Variants in NKAIN2 observed in about 807,000 individuals in gnomAD.
The protein encoded by NKAIN2 is sodium/potassium-transporting ATPase subunit beta-1-interacting protein 2.
A neutral mutation model predicts 32.6 loss-of-function variants in NKAIN2; 14 were observed. The ratio of observed to expected loss-of-function variants is 0.43; its 90% confidence interval spans 0.28 to 0.67. The LOEUF is 0.67. Among genes scored for constraint, NKAIN2 ranks in the 30% least tolerant of loss-of-function variants. The pLI, the probability that NKAIN2 is intolerant of heterozygous loss-of-function variation, is 0.17. For missense variants in NKAIN2, 198 were observed against 258.3 expected, an observed-to-expected ratio of 0.77 and a Z score of 1.60; for synonymous variants, 80 against 87.2, an observed-to-expected ratio of 0.92 and a Z score of 0.46.
intron 4 of NKAIN2, among the ~76,000 whole-genome samples, chr6:124,671,454 A>G (rs889911751): frequency 5.3e-5 from 8 of 152,104 alleles, no homozygotes; most frequent in Non-Finnish European, 1.2e-4. Flanking sequence ...CATGATGCCA[A>G]TGACATGGTT....
At chr6:124,512,081 T>C (rs918578723) in intron 3 of NKAIN2, among the ~76,000 whole-genome samples, 1 of 152,232 alleles carries the variant, frequency 6.6e-6, no homozygotes, top group African/African-American at 2.4e-5. Context: ...TCTACTTTAA[T>C]TTAAATGGGA....
intron 4 of NKAIN2, among the ~76,000 whole-genome samples, chr6:124,725,862 A>G (rs541259200): frequency 6.6e-6 from 1 of 152,320 alleles, no homozygotes; most frequent in Non-Finnish European, 1.5e-5. Flanking sequence ...ACCGTGTGCA[A>G]GCCAAAGCAG....
chr6:124,003,021 C>T (rs1353589000), intron 1 of NKAIN2, among the ~76,000 whole-genome samples: 2 of 152,184 alleles, frequency 1.3e-5, no homozygotes, highest in Admixed American at 6.5e-5. Context: ...TAGACCTCCC[C>T]TCCCACGGCA....
intron 3 of NKAIN2, among the ~76,000 whole-genome samples, chr6:124,453,108 T>C (rs1375859207): frequency 6.6e-6 from 1 of 152,036 alleles, no homozygotes; most frequent in Admixed American, 6.6e-5. Context: ...TTTTAGGTCA[T>C]TTCTTGCCAG....
chr6:124,640,604 G>A (rs974050198), intron 3 of NKAIN2, among the ~76,000 whole-genome samples: 3 of 152,154 alleles, frequency 2.0e-5, no homozygotes, highest in African/African-American at 4.8e-5. Context: ...TAAAGTCAGT[G>A]AGAAGTTGAT....
At chr6:123,891,164 G>A (rs1197552893) in intron 1 of NKAIN2, among the ~76,000 whole-genome samples, 1 of 152,112 alleles carries the variant, frequency 6.6e-6, no homozygotes, top group Non-Finnish European at 1.5e-5. Context: ...ACAGAAAATA[G>A]AATGGAGGTT....
At chr6:124,313,775 G>A in intron 2 of NKAIN2, among the ~76,000 whole-genome samples, 1 of 152,098 alleles carries the variant, frequency 6.6e-6, no homozygotes, top group East Asian at 1.9e-4. Flanking sequence ...TTTCCTTAAA[G>A]GATCTTTCAA....
chr6:123,808,374 T>C (rs560534210), intron 1 of NKAIN2, among the ~76,000 whole-genome samples: 23 of 152,302 alleles, frequency 1.5e-4, no homozygotes, highest in Admixed American at 7.2e-4. Flanking sequence ...TAGAAACTTA[T>C]CATGTAAAAA....
intron 3 of NKAIN2, among the ~76,000 whole-genome samples, chr6:124,596,802 T>A (rs1489198948): frequency 6.6e-6 from 1 of 152,008 alleles, no homozygotes; most frequent in East Asian, 1.9e-4. Context: ...AGATTTATTA[T>A]AAGGAATTGC....
intron 4 of NKAIN2, among the ~76,000 whole-genome samples, chr6:124,780,709 A>C (rs1212002705): frequency 6.6e-6 from 1 of 152,186 alleles, no homozygotes; most frequent in Non-Finnish European, 1.5e-5. Context: ...GAATCATCCC[A>C]TCCATCTGAC....
At chr6:124,680,777 G>A (rs1039270793) in intron 4 of NKAIN2, among the ~76,000 whole-genome samples, 4 of 151,796 alleles carry the variant, frequency 2.6e-5, no homozygotes, top group Admixed American at 6.6e-5. Context: ...TAATATTTGC[G>A]CTGAGACAGA....
At position 124,124,617 on chromosome 6, in the gene NKAIN2, C is replaced by A. The variant is rs367989367; in HGVS notation, c.55-158388C>A. Among the ~76,000 whole-genome samples, 428 of 152,230 alleles carry A rather than the reference C, an allele frequency of 2.8e-3. 4 individuals are homozygous for A. Among genetic ancestry groups the A allele is most frequent in the African/African-American group, 9.9e-3 (412 of 41,554 alleles). ...TCCTACTCATTTCTACATATAGGATCATTTCTCACTTTGTGAACCATAGCA... is the reference window on the plus strand; with the variant it reads ...TCCTACTCATTTCTACATATAGGATAATTTCTCACTTTGTGAACCATAGCA... On this transcript the variant is annotated intron_variant, in intron 1 of 6. Coordinates refer to ENST00000368417, the MANE Select transcript of NKAIN2 (RefSeq NM_001040214.3).
chr6:124,184,649 T>C (rs1174413031), intron 1 of NKAIN2, among the ~76,000 whole-genome samples: 1 of 152,196 alleles, frequency 6.6e-6, no homozygotes, highest in Non-Finnish European at 1.5e-5. Flanking sequence ...TTTTCATAAT[T>C]GATTGATTTA....
intron 1 of NKAIN2, among the ~76,000 whole-genome samples, chr6:123,882,656 T>C (rs1773505178): frequency 1.3e-5 from 2 of 152,204 alleles, no homozygotes; most frequent in African/African-American, 4.8e-5. Flanking sequence ...AATAAAAATG[T>C]TGCCAGTTTT....
intron 1 of NKAIN2, among the ~76,000 whole-genome samples, chr6:124,257,376 T>C (rs1793999893): frequency 1.3e-5 from 2 of 152,222 alleles, no homozygotes; most frequent in South Asian, 4.1e-4. Context: ...TCAAACTTCC[T>C]ACAGCTCTTA....
intron 3 of NKAIN2, among the ~76,000 whole-genome samples, chr6:124,494,008 A>G (rs1189324557): frequency 1.3e-5 from 2 of 152,032 alleles, no homozygotes; most frequent in East Asian, 3.9e-4. Context: ...TATTTTCTCA[A>G]GAATTTCTGT....
chr6:123,827,831 T>A (rs1231311679), intron 1 of NKAIN2, among the ~76,000 whole-genome samples: 1 of 151,290 alleles, frequency 6.6e-6, no homozygotes, highest in Non-Finnish European at 1.5e-5. Flanking sequence ...AAAAAAAAAA[T>A]TACAGAGTAG....
intron 1 of NKAIN2, among the ~76,000 whole-genome samples, chr6:123,963,179 A>C (rs933469231): frequency 6.6e-6 from 1 of 152,162 alleles, no homozygotes; most frequent in Non-Finnish European, 1.5e-5. Flanking sequence ...GACTGAGCAG[A>C]TTGCTAGACC....
intron 1 of NKAIN2, among the ~76,000 whole-genome samples, chr6:123,892,485 CGCTA>C (rs761740382): frequency 6.7e-6 from 1 of 149,318 alleles, no homozygotes; most frequent in Non-Finnish European, 1.5e-5. Flanking sequence ...TCATGAGACT[CGCTA>C]TCATGAGAAC....
Sources: gnomAD v4.1 joint callset for allele counts (sites outside exome capture counted in the v4.1 genomes callset) on GRCh38, gnomAD v4.1.1 for gene constraint, MANE v1.5 for transcripts, NCBI Gene and HGNC (gene_info 2026-07-23, HGNC 2026-07-21) for gene names.